ZDHHC21: variants seen among roughly 807,000 people sequenced by gnomAD.
ZDHHC21 encodes the protein zDHHC palmitoyltransferase 21, also known as palmitoyltransferase ZDHHC21.
ZDHHC21 carries 15 observed loss-of-function variants against 34.6 expected under a neutral mutation model. That is an observed-to-expected ratio of 0.43 (90% confidence interval 0.29 to 0.67). The LOEUF (loss-of-function observed/expected upper bound fraction) is 0.67, where lower values mean the gene tolerates loss of function less well. Ranked by LOEUF, ZDHHC21 falls within the 30% of genes least tolerant of loss-of-function variation. The probability of loss-of-function intolerance (pLI) is 0.14; values close to 1 mark genes in which losing one functional copy is unlikely to be tolerated. For missense variants in ZDHHC21, 344 were observed against 327.7 expected (o/e 1.05, Z -0.38); for synonymous variants, 142 against 101.8 (o/e 1.40, Z -2.38).
chr9:14,628,199 T>C (rs1448398327), intron 8 of ZDHHC21, among the ~76,000 whole-genome samples: 4 of 152,144 alleles, frequency 2.6e-5, no homozygotes, highest in African/African-American at 9.7e-5. Flanking sequence ...ACCTTGAAAA[T>C]GAGATTAGAA....
chr9:14,665,303 G>A (rs1376043701), intron 5 of ZDHHC21, among the ~76,000 whole-genome samples: 1 of 135,892 alleles, frequency 7.4e-6, no homozygotes, highest in African/African-American at 2.8e-5. Flanking sequence ...AGAGAAAAAA[G>A]AATAAAAAGA....
intron 5 of ZDHHC21, among the ~76,000 whole-genome samples, chr9:14,668,557 C>A (rs1306164839): frequency 6.7e-6 from 1 of 149,732 alleles, no homozygotes; most frequent in Non-Finnish European, 1.5e-5. Flanking sequence ...AATCCTAAGC[C>A]AAAAGAACAA....
rs1823721735 is a variant in ZDHHC21, at chr9:14,613,759, T to C, written c.*5207A>G. On this transcript the variant is annotated 3_prime_UTR_variant, in exon 10 of 10. Transcript: ENST00000380916. The stretch of plus-strand genomic sequence containing the variant: ...CCTTATATATTGTTTATTTTTCCTC[T>C]GGTGACAAAATTTTCTATACACTCA... 6.6e-6 allele frequency: 1 copy of C among 151,798 alleles called. No homozygotes were observed. Among genetic ancestry groups the C allele is most frequent in the Non-Finnish European group, 1.5e-5 (1 of 67,762 alleles). 9.4% of individuals were successfully genotyped at this position (151,798 alleles called of 1,614,324 possible).
chr9:14,638,896 A>C (rs558520357), intron 8 of ZDHHC21, among the ~76,000 whole-genome samples: 1 of 152,226 alleles, frequency 6.6e-6, no homozygotes, highest in East Asian at 1.9e-4. Flanking sequence ...ACTCTTGTAC[A>C]CTGTTGGTGG....
chr9:14,638,617 T>A (rs752013949), intron 8 of ZDHHC21, among the ~76,000 whole-genome samples: 1 of 151,538 alleles, frequency 6.6e-6, no homozygotes, highest in Non-Finnish European at 1.5e-5. Flanking sequence ...GACAAAACAC[T>A]TGAACTTTTT....
the ZDHHC21 span, among the ~76,000 whole-genome samples, chr9:14,600,095 C>A: frequency 6.6e-6 from 1 of 152,134 alleles, no homozygotes; most frequent in Non-Finnish European, 1.5e-5. Context: ...AAAACTGGCA[C>A]AAGACAAAGA....
At chr9:14,627,672 G>C (rs17215249) in intron 8 of ZDHHC21, among the ~76,000 whole-genome samples, 4,028 of 152,184 alleles carry the variant, frequency 0.026, 70 homozygotes, top group Middle Eastern at 0.051. Flanking sequence ...AACTGTCAGA[G>C]CAGTGTCATG....
rs1824283820 is a variant in ZDHHC21 at position 14,616,829 on chromosome 9, G to C, written c.*2137C>G. ...TATTAGTTTGTAGTCCAATAATTTA[G>C]GGGAACTGAGTACAGAGGGATCAGG... On this transcript the variant is annotated 3_prime_UTR_variant, in exon 10 of 10. Transcript: ENST00000380916. The C allele has an allele frequency of 6.6e-6, 1 of 151,704 alleles. No homozygotes were observed. Among genetic ancestry groups the C allele is most frequent in the Admixed American group, 6.6e-5 (1 of 15,190 alleles). The allele number at this position is 151,704 out of a possible 1,614,324, so 9.4% of individuals were successfully genotyped here. A position where few individuals can be genotyped will look rare whatever the true frequency, so the allele number is the denominator to read the frequency against.
chr9:14,640,246 C>A (rs1307032611), intron 7 of ZDHHC21, among the ~76,000 whole-genome samples: 1 of 146,008 alleles, frequency 6.8e-6, no homozygotes, highest in Non-Finnish European at 1.5e-5. Context: ...TACTCTACTG[C>A]ATCAAAACTC....
intron 8 of ZDHHC21, among the ~76,000 whole-genome samples, chr9:14,623,724 G>A (rs1043249041): frequency 4.0e-5 from 6 of 150,920 alleles, no homozygotes; most frequent in Non-Finnish European, 7.4e-5. Context: ...TGACCAACAG[G>A]TATATGAAGA....
intron 7 of ZDHHC21, among the ~76,000 whole-genome samples, chr9:14,646,529 A>G (rs2133787892): frequency 6.6e-6 from 1 of 152,252 alleles, no homozygotes; most frequent in Middle Eastern, 3.4e-3. Context: ...ACAGGAAAAA[A>G]GGAGAGGAAG....
chr9:14,604,113 GGTTA>G, the ZDHHC21 span, among the ~76,000 whole-genome samples: 3 of 152,102 alleles, frequency 2.0e-5, no homozygotes, highest in African/African-American at 7.2e-5. Context: ...CATTACATAG[GGTTA>G]GTGAGGATGT....
At chr9:14,625,391 G>C (rs1406361321) in intron 8 of ZDHHC21, among the ~76,000 whole-genome samples, 1 of 151,970 alleles carries the variant, frequency 6.6e-6, no homozygotes, top group Non-Finnish European at 1.5e-5. Context: ...TAGAACAAAA[G>C]TGAGAAGGCA....
At chr9:14,593,278 A>T in the ZDHHC21 span, among the ~76,000 whole-genome samples, 1 of 152,282 alleles carries the variant, frequency 6.6e-6, no homozygotes, top group East Asian at 1.9e-4. Context: ...AAAAAAGAAG[A>T]TAGGTTTCCA....
intron 8 of ZDHHC21, among the ~76,000 whole-genome samples, chr9:14,634,890 A>G (rs1234472959): frequency 6.6e-6 from 1 of 152,114 alleles, no homozygotes; most frequent in Non-Finnish European, 1.5e-5. Flanking sequence ...AATTCAAAAT[A>G]ATATTAAAGA....
the ZDHHC21 span, among the ~76,000 whole-genome samples, chr9:14,594,939 T>C: frequency 3.7e-4 from 56 of 152,284 alleles, no homozygotes; most frequent in East Asian, 8.5e-3. Context: ...TCAACATCAC[T>C]AGCCATTTGA....
chr9:14,648,443 C>A (rs138737494), intron 7 of ZDHHC21, among the ~76,000 whole-genome samples: 1 of 152,032 alleles, frequency 6.6e-6, no homozygotes, highest in South Asian at 2.1e-4. Flanking sequence ...CTACTCTCAA[C>A]TCATCATCTC....
rs1490605906 is a variant in ZDHHC21 at position 14,611,776 on chromosome 9, C to G, written c.*7190G>C. The G allele has an allele frequency of 6.6e-6, 1 of 152,018 alleles. No homozygotes were observed. The highest frequency in any genetic ancestry group is 6.6e-5 in the Admixed American group (1 of 15,222). 9.4% of individuals were successfully genotyped at this position (152,018 alleles called of 1,614,324 possible). The stretch of plus-strand genomic sequence containing the variant: ...ATGATCCACGTGTGCTCTGTCCTTG[C>G]AAGAGCCTAGCTTTGTCCTCCCGTG... On this transcript the variant is annotated 3_prime_UTR_variant, in exon 10 of 10. Transcript: ENST00000380916.
intron 8 of ZDHHC21, among the ~76,000 whole-genome samples, chr9:14,626,119 C>G (rs1423348800): frequency 6.6e-6 from 1 of 151,930 alleles, no homozygotes; most frequent in African/African-American, 2.4e-5. Context: ...ACTTTTAACA[C>G]CAAAATTATA....
Sources: allele counts gnomAD v4.1 joint callset (sites outside exome capture counted in the v4.1 genomes callset), GRCh38; gene constraint gnomAD v4.1.1; transcripts MANE v1.5; gene names NCBI Gene and HGNC (gene_info 2026-07-23, HGNC 2026-07-21).